CCDC88B: variants seen among roughly 807,000 people sequenced by gnomAD.
CCDC88B encodes coiled-coil domain-containing protein 88B.
In CCDC88B, 138 loss-of-function variants were observed where a neutral mutation model predicts 183.7. The observed-to-expected ratio is 0.75, with a 90% CI of 0.65 to 0.87. The LOEUF (loss-of-function observed/expected upper bound fraction) is 0.87. Among genes scored for constraint, CCDC88B ranks in the 40% least tolerant of loss-of-function variants. The probability of loss-of-function intolerance (pLI) is 0.00; values close to 1 mark genes in which losing one functional copy is unlikely to be tolerated. For synonymous variants in CCDC88B, 835 were observed against 867.5 expected (o/e 0.96, Z 0.66); for missense variants, 1,822 against 1,965.6 (o/e 0.93, Z 1.38).
At chr11:64,346,672 C>T (rs1049254350) in intron 14 of CCDC88B, among the ~76,000 whole-genome samples, 1 of 152,052 alleles carries the variant, frequency 6.6e-6, no homozygotes, top group Non-Finnish European at 1.5e-5. Context: ...GATCTCCTGA[C>T]CTCGTGATCC....
chr11:64,349,717 A>G (rs1565053378), intron 16 of CCDC88B, 49 bp downstream of exon 16: 17 of 1,508,466 alleles, frequency 1.1e-5, no homozygotes, highest in Non-Finnish European at 1.5e-5. Flanking sequence ...CCTGCCCTCC[A>G]TCCCATGAGC....
Position 64,343,169 on chromosome 11 carries a change from C to A in CCDC88B, c.1063-10C>A. 1 of 1,522,570 alleles carries A rather than the reference C, an allele frequency of 6.6e-7. No individual in the cohort carries two copies. Among genetic ancestry groups the A allele is most frequent in the African/African-American group, 1.4e-5 (1 of 72,298 alleles). The allele number at this position is 1,522,570 out of a possible 1,614,324, so 94.3% of individuals were successfully genotyped here. ...TGCGTGGCTACCGGTTCTCCCTGCT[C>A]TCCCACCAGGAGGAGCGGGTGCTCT... On this transcript the variant is annotated splice_polypyrimidine_tract_variant and intron_variant, in intron 10 of 26. Coordinates refer to ENST00000356786, the MANE Select transcript of CCDC88B (RefSeq NM_032251.6).
intron 20 of CCDC88B, 24 bp from the exon 21 acceptor site, chr11:64,353,030 G>A: frequency 6.4e-7 from 1 of 1,563,358 alleles, no homozygotes; most frequent in South Asian, 1.2e-5. Context: ...GTCCCTTGGA[G>A]AGCAGCTCTC....
rs2036021160 is a variant in CCDC88B at position 64,344,511 on chromosome 11, C to G, written c.1970C>G (p.Ser657Cys). 1.2e-6 allele frequency: 2 copies of G among 1,608,056 alleles called. No homozygotes were observed. Among genetic ancestry groups the G allele is most frequent in the Non-Finnish European group, 1.7e-6 (2 of 1,177,282 alleles). The change falls in exon 14 of 27, where the codon TCT (serine) becomes TGT (cysteine). Residue 657 changes from serine (S) to cysteine (C), a missense_variant. Ser to Cys is a moderately radical substitution (Grantham distance 112, BLOSUM62 -1). Coordinates refer to ENST00000356786, the MANE Select transcript of CCDC88B (RefSeq NM_032251.6). The surrounding 1 kb of genome is among the most constrained non-coding windows in gnomAD (Gnocchi z 4.5). ...AAGCCAGGGCCTTCGGAGCCCAGCT[C>G]TGTGCAGCTGGAGGAGCAGGAGGGC... ...EHKPGPSEPS[S>C]VQLEEQEGPN...
At position 64,352,184 on chromosome 11, in the gene CCDC88B, G is replaced by T. The variant is rs2036360188; in HGVS notation, c.3154G>T (p.Val1052Leu). ...QGQELHRKLEVLEEEVRAARQ... is the reference protein window; with the variant it reads ...QGQELHRKLELLEEEVRAARQ... Reference sequence around the variant, plus strand: ...CCAGGAGCTGCACCGGAAGCTGGAGGTGCTGGAGGAGGAGGTGCGGGCGGC... The same window carrying T: ...CCAGGAGCTGCACCGGAAGCTGGAGTTGCTGGAGGAGGAGGTGCGGGCGGC... The change falls in exon 19 of 27, where the codon GTG (valine) becomes TTG (leucine). Residue 1052 changes from valine to leucine, a missense_variant. Transcript: ENST00000356786. 1 of 1,606,372 alleles carries T rather than the reference G, an allele frequency of 6.2e-7. No homozygotes were observed. Among genetic ancestry groups the T allele is most frequent in the Non-Finnish European group, 8.5e-7 (1 of 1,174,502 alleles).
chr11:64,341,542 C>T (rs1316872981), intron 6 of CCDC88B, 38 bp downstream of exon 6: 1 of 1,612,012 alleles, frequency 6.2e-7, no homozygotes, highest in Non-Finnish European at 8.5e-7. Context: ...TGGTATGGCA[C>T]CTGGGACGCC....
rs2035862045 is a variant in CCDC88B, at chr11:64,341,687, G to A, written c.620G>A (p.Arg207Gln). ...CCTGCCGAGCTGGAGATGCTGTCCC[G>A]GAGCCTGATGGGGACACTGTCGAAG... ...LAPAELEMLS[R>Q]SLMGTLSKLA... Residue 207 changes from arginine to glutamine, a missense_variant, in exon 7 of 27, where the codon CGG becomes CAG. Physicochemically the swap from Arg to Gln is conservative, Grantham distance 43. Coordinates refer to ENST00000356786, the MANE Select transcript of CCDC88B (RefSeq NM_032251.6). 2 of 1,607,268 alleles carry A rather than the reference G, an allele frequency of 1.2e-6. No homozygotes were observed. The highest frequency in any genetic ancestry group is 1.7e-4 in the Middle Eastern group (1 of 6,050).
Position 64,345,172 on chromosome 11 carries a change from G to A in CCDC88B, c.2616+15G>A, listed in dbSNP as rs1348016033. 12 of 1,536,006 alleles carry A rather than the reference G, an allele frequency of 7.8e-6. No homozygotes were observed. Among genetic ancestry groups the A allele is most frequent in the Admixed American group, 2.0e-5 (1 of 51,002 alleles). On this transcript the variant is annotated intron_variant, in intron 14 of 26. Coordinates refer to ENST00000356786, the MANE Select transcript of CCDC88B (RefSeq NM_032251.6). ...CCCTCCAGGCGGTAGGTCAGGTTGG[G>A]GCTCACCGCTGGGGTTGGGAAGCAG...
intron 24 of CCDC88B, among the ~76,000 whole-genome samples, chr11:64,354,645 C>T (rs1339814418): frequency 6.7e-6 from 1 of 149,592 alleles, no homozygotes. Flanking sequence ...CCCCTCTACT[C>T]CATCCAGGGC....
At position 64,351,555 on chromosome 11, in the gene CCDC88B, G is replaced by A. The variant is rs1167495751; in HGVS notation, c.3038G>A (p.Gly1013Asp). Residue 1013 changes from glycine (G) to aspartate (D), a missense_variant, in exon 18 of 27, where the codon GGC becomes GAC. Physicochemically the swap from Gly to Asp is moderately conservative, Grantham distance 94. Coordinates refer to ENST00000356786, the MANE Select transcript of CCDC88B (RefSeq NM_032251.6). ...HLEGQLGSLQ[G>D]RAQELLLQSQ... is the part of the protein sequence containing the mutation. ...GAGGGGCAGCTGGGGAGCCTGCAGG[G>A]CCGTGCCCAGGAGCTGCTGCTGCAG... The A allele has an allele frequency of 1.3e-6, 2 of 1,567,078 alleles. No homozygotes were observed. Among genetic ancestry groups the A allele is most frequent in the African/African-American group, 1.3e-5 (1 of 74,142 alleles).
In CCDC88B at chr11:64,349,541, C is replaced by G. The variant is rs951990352; in HGVS notation, c.2745-10C>G. 2 of 1,594,884 alleles carry G rather than the reference C, an allele frequency of 1.3e-6. No individual in the cohort carries two copies. Among genetic ancestry groups the G allele is most frequent in the Admixed American group, 1.8e-5 (1 of 56,808 alleles). On this transcript the variant is annotated splice_polypyrimidine_tract_variant and intron_variant, in intron 15 of 26. Transcript: ENST00000356786. The stretch of plus-strand genomic sequence containing the variant: ...GGGGTGGGGCTGGGTGCTAAGGATT[C>G]TCCTGGCAGGTACCAGGGCTTGGAG...
chr11:64,357,361 G>A lies in CCDC88B; in HGVS notation c.*267G>A, dbSNP rs555404675. The A allele has an allele frequency of 5.3e-5, 38 of 717,696 alleles. No individual in the cohort carries two copies. The highest frequency in any genetic ancestry group is 2.3e-4 in the African/African-American group (13 of 57,380). The allele number at this position is 717,696 out of a possible 1,614,324, so 44.5% of individuals were successfully genotyped here. A position where few individuals can be genotyped will look rare whatever the true frequency, so the allele number is the denominator to read the frequency against. On this transcript the variant is annotated 3_prime_UTR_variant, in exon 27 of 27. Transcript: ENST00000356786. ...TCCAGGTGGCTCCCGCTGAGGCAGC[G>A]GTCTCTGGGGGATCCCCCAGCTGAA... is the stretch of plus-strand genomic sequence containing the variant.
intron 1 of CCDC88B, 119 bp from the exon 2 acceptor site, chr11:64,340,488 A>T (rs1408529554): frequency 2.5e-5 from 36 of 1,460,662 alleles, no homozygotes; most frequent in Non-Finnish European, 3.3e-5. Context: ...GTGGTGAGGG[A>T]AGAGGGGACA....
intron 14 of CCDC88B, chr11:64,348,875 A>C: frequency 1.6e-6 from 1 of 620,816 alleles, no homozygotes. Flanking sequence ...CCCCACTGTC[A>C]GCTCCTGACT....
chr11:64,345,120 C>A lies in CCDC88B; in HGVS notation c.2579C>A (p.Ala860Asp), dbSNP rs1239646390. The A allele has an allele frequency of 1.3e-6, 2 of 1,549,908 alleles. No homozygotes were observed. Among genetic ancestry groups the A allele is most frequent in the Non-Finnish European group, 1.7e-6 (2 of 1,152,102 alleles). Residue 860 changes from alanine to aspartate, a missense_variant, in exon 14 of 27, where the codon GCT (alanine) becomes GAT (aspartate). Physicochemically the swap from Ala to Asp is moderately radical, Grantham distance 126. Transcript: ENST00000356786. ...ESEGRQHLEE[A>D]ERERREKEAL... The stretch of plus-strand genomic sequence containing the variant: ...GAGGGCCGCCAGCACTTGGAGGAGG[C>A]TGAGAGGGAGCGCCGGGAGAAGGAG...
intron 14 of CCDC88B, among the ~76,000 whole-genome samples, chr11:64,346,443 ATTT>A (rs561099739): frequency 7.1e-6 from 1 of 140,154 alleles, no homozygotes; most frequent in Admixed American, 7.1e-5. Context: ...TACTTTTTGT[ATTT>A]TTTTTTTTTT....
At chr11:64,349,850 C>T (rs2036263016) in intron 16 of CCDC88B, 182 bp downstream of exon 16, 4 of 623,226 alleles carry the variant, frequency 6.4e-6, no homozygotes, top group Non-Finnish European at 1.1e-5. Context: ...GCCGTGTTGA[C>T]TTATCTGGGG....
rs2035884712 is a variant in CCDC88B, at chr11:64,342,038, G to A, written c.720G>A (p.Arg240=). 3 of 1,612,412 alleles carry A rather than the reference G, an allele frequency of 1.9e-6. No individual in the cohort carries two copies. Among genetic ancestry groups the A allele is most frequent in the Admixed American group, 3.3e-5 (2 of 59,986 alleles). ...LLLEREPLCL[R]PEAPSRAPAE... ...TGGAGCGAGAACCCCTCTGCTTGAG[G>A]CCTGAGGCTCCCTCTAGGGCTCCCG... The change falls in exon 8 of 27, where the codon AGG becomes AGA. Residue 240 remains arginine, a synonymous_variant. Coordinates refer to ENST00000356786, the MANE Select transcript of CCDC88B (RefSeq NM_032251.6).
At chr11:64,351,763 A>G in intron 18 of CCDC88B, 147 bp downstream of exon 18, 2 of 1,126,232 alleles carry the variant, frequency 1.8e-6, no homozygotes, top group Admixed American at 2.9e-5. Flanking sequence ...CTCTGACCCC[A>G]GCCACCATTT....
Sources: gnomAD v4.1 joint callset for allele counts (sites outside exome capture counted in the v4.1 genomes callset) on GRCh38, gnomAD v4.1.1 for gene constraint, Gnocchi (gnomAD v3.1) non-coding constraint, MANE v1.5 for transcripts, NCBI Gene and HGNC (gene_info 2026-07-23, HGNC 2026-07-21) for gene names.